The following TTC28 variants were observed in gnomAD, a reference collection of about 807,000 sequenced individuals.
TTC28 encodes tetratricopeptide repeat protein 28.
Under a neutral mutation model 198.0 loss-of-function variants are expected in TTC28, and 61 were observed. That is an observed-to-expected ratio of 0.31 (90% CI 0.25 to 0.38). The LOEUF is 0.38. Ranked by LOEUF, TTC28 falls within the 10% of genes least tolerant of loss-of-function variation. TTC28 has a pLI of 1.00. For synonymous variants in TTC28, 1,171 were observed against 1,297.8 expected (o/e 0.90, Z 2.10); for missense variants, 2,678 against 3,164.0 (o/e 0.85, Z 3.69).
intron 5 of TTC28, among the ~76,000 whole-genome samples, chr22:28,250,027 C>A (rs1408506830): frequency 6.6e-6 from 1 of 152,148 alleles, no homozygotes; most frequent in Non-Finnish European, 1.5e-5. Context: ...ATTAATTCTA[C>A]ACATTAGAGA....
At chr22:28,028,919 C>A in intron 13 of TTC28, 1 of 453,800 alleles carries the variant, frequency 2.2e-6, no homozygotes, top group South Asian at 1.6e-5. Context: ...AGAGGTGAAA[C>A]TGCCTCCCTA....
chr22:28,048,887 C>A (rs1939970419), intron 12 of TTC28, among the ~76,000 whole-genome samples: 1 of 152,128 alleles, frequency 6.6e-6, no homozygotes, highest in African/African-American at 2.4e-5. Flanking sequence ...AAAATTAAGC[C>A]TCTCCCTCCA....
At chr22:28,531,488 T>A (rs2049138848) in intron 2 of TTC28, among the ~76,000 whole-genome samples, 1 of 152,120 alleles carries the variant, frequency 6.6e-6, no homozygotes, top group African/African-American at 2.4e-5. Context: ...CTGTCAACAT[T>A]AAACAGATCA....
chr22:28,387,128 A>G (rs2046619087), intron 2 of TTC28, among the ~76,000 whole-genome samples: 1 of 152,160 alleles, frequency 6.6e-6, no homozygotes, highest in South Asian at 2.1e-4. Flanking sequence ...TTTGCTGAGA[A>G]TGATGGTTTC....
At chr22:28,476,689 G>A (rs538432197) in intron 2 of TTC28, among the ~76,000 whole-genome samples, 1 of 152,150 alleles carries the variant, frequency 6.6e-6, no homozygotes, top group Admixed American at 6.5e-5. Flanking sequence ...CTAGTAATGA[G>A]GTAGTACAAT....
chr22:28,148,587 T>G (rs1418658900), intron 6 of TTC28, among the ~76,000 whole-genome samples: 1 of 144,960 alleles, frequency 6.9e-6, no homozygotes, highest in Admixed American at 7.1e-5. Context: ...CACTTCAGCC[T>G]GGGCGACAGA....
At chr22:28,567,139 C>T (rs1311464570) in intron 2 of TTC28, among the ~76,000 whole-genome samples, 3 of 150,286 alleles carry the variant, frequency 2.0e-5, no homozygotes, top group African/African-American at 4.9e-5. Context: ...AGCTTGAACC[C>T]GGAAGGCAGA....
intron 5 of TTC28, among the ~76,000 whole-genome samples, chr22:28,185,752 C>T (rs1184023332): frequency 1.3e-5 from 2 of 152,016 alleles, no homozygotes; most frequent in Non-Finnish European, 1.5e-5. Flanking sequence ...ATATCAGATG[C>T]TTTTTTACAT....
intron 14 of TTC28, among the ~76,000 whole-genome samples, chr22:28,010,791 G>A (rs995010387): frequency 6.6e-5 from 10 of 152,198 alleles, no homozygotes; most frequent in African/African-American, 1.4e-4. Flanking sequence ...TTCAACCCAA[G>A]AGCGGCCATG....
rs1251398180 is a variant in TTC28 at position 27,992,580 on chromosome 22, G to A, written c.5553+7C>T. 7 of 1,551,108 alleles carry A rather than the reference G, an allele frequency of 4.5e-6. No individual in the cohort carries two copies. Among genetic ancestry groups the A allele is most frequent in the South Asian group, 2.4e-5 (2 of 84,024 alleles). On this transcript the variant is annotated splice_region_variant and intron_variant, in intron 19 of 22. Transcript: ENST00000397906. ...GGCCCTGGCTCAGCCCTCCAGGCTCGACTTACCCGGCTGATGAGCTGCTCG... is the reference window on the plus strand; with the variant it reads ...GGCCCTGGCTCAGCCCTCCAGGCTCAACTTACCCGGCTGATGAGCTGCTCG...
intron 6 of TTC28, among the ~76,000 whole-genome samples, chr22:28,160,889 G>C (rs1458542829): frequency 6.6e-6 from 1 of 152,158 alleles, no homozygotes; most frequent in African/African-American, 2.4e-5. Context: ...AGATACAGAA[G>C]GAGCAGCCAG....
chr22:28,324,395 G>C (rs1292311823), intron 2 of TTC28, among the ~76,000 whole-genome samples: 1 of 150,150 alleles, frequency 6.7e-6, no homozygotes, highest in East Asian at 2.0e-4. Context: ...TATGAGGCCA[G>C]CATCATCCTG....
intron 12 of TTC28, among the ~76,000 whole-genome samples, chr22:28,032,254 TATATATATATATA>T: frequency 9.9e-6 from 1 of 100,896 alleles, no homozygotes; most frequent in African/African-American, 4.5e-5. Context: ...ATATAAAATA[TATATATATATATA>T]GTGTGTGTGT....
At chr22:28,013,904 A>G (rs563935222) in intron 14 of TTC28, among the ~76,000 whole-genome samples, 1 of 152,324 alleles carries the variant, frequency 6.6e-6, no homozygotes, top group African/African-American at 2.4e-5. Flanking sequence ...GAGCCGCACC[A>G]TCACTCTGTT....
chr22:28,264,387 C>T (rs1353571404), intron 5 of TTC28, among the ~76,000 whole-genome samples: 6 of 152,022 alleles, frequency 3.9e-5, no homozygotes, highest in Non-Finnish European at 5.9e-5. Flanking sequence ...TACCCATTCT[C>T]GAGTATTTCT....
At chr22:28,229,442 A>G (rs2147224109) in intron 5 of TTC28, among the ~76,000 whole-genome samples, 1 of 152,346 alleles carries the variant, frequency 6.6e-6, no homozygotes, top group East Asian at 1.9e-4. Context: ...GCTGACTCCA[A>G]AACTATTCAG....
chr22:28,658,602 G>A (rs1003678096), intron 1 of TTC28, among the ~76,000 whole-genome samples: 1 of 152,122 alleles, frequency 6.6e-6, no homozygotes, highest in African/African-American at 2.4e-5. Flanking sequence ...TTATAGAGAT[G>A]GATAATGGTG....
chr22:28,513,395 T>A (rs550000366), intron 2 of TTC28, among the ~76,000 whole-genome samples: 1 of 152,282 alleles, frequency 6.6e-6, no homozygotes, highest in East Asian at 1.9e-4. Context: ...AAGTGGTATA[T>A]TGACTTTTTC....
chr22:28,391,361 T>C (rs2046716751), intron 2 of TTC28, among the ~76,000 whole-genome samples: 1 of 152,182 alleles, frequency 6.6e-6, no homozygotes. Flanking sequence ...TGGCGTTCTC[T>C]GTATTTCCTG....
Sources: gnomAD v4.1 joint callset for allele counts (sites outside exome capture counted in the v4.1 genomes callset) on GRCh38, gnomAD v4.1.1 for gene constraint, MANE v1.5 for transcripts, NCBI Gene and HGNC (gene_info 2026-07-23, HGNC 2026-07-21) for gene names.